NXPE2: variants seen among roughly 807,000 people sequenced by gnomAD.
The protein encoded by NXPE2 is neurexophilin and PC-esterase domain family member 2.
Under a neutral mutation model 34.4 loss-of-function variants are expected in NXPE2, and 34 were observed. The observed-to-expected ratio is 0.99, with a 90% CI of 0.75 to 1.31. The LOEUF (loss-of-function observed/expected upper bound fraction) is 1.31, where lower values mean the gene tolerates loss of function less well. Ranked by LOEUF, NXPE2 falls within the 40% of genes most tolerant of loss-of-function variation. The pLI is 0.00. For missense variants in NXPE2, 649 were observed against 672.5 expected, an observed-to-expected ratio of 0.97 and a Z score of 0.39; for synonymous variants, 235 against 231.3, an observed-to-expected ratio of 1.02 and a Z score of -0.15.
the NXPE2 span, among the ~76,000 whole-genome samples, chr11:114,515,911 C>T: frequency 6.6e-6 from 1 of 152,086 alleles, no homozygotes; most frequent in Admixed American, 6.6e-5. Flanking sequence ...TAGAGGGGAC[C>T]TAATGGAAGG....
the NXPE2 span, among the ~76,000 whole-genome samples, chr11:114,507,544 A>G: frequency 1.3e-3 from 193 of 152,304 alleles, no homozygotes; most frequent in Admixed American, 1.8e-3. Context: ...CTTATCCACC[A>G]TGATTAAGTA....
the NXPE2 span, among the ~76,000 whole-genome samples, chr11:114,791,277 G>A: frequency 6.6e-6 from 1 of 152,132 alleles, no homozygotes; most frequent in South Asian, 2.1e-4. Flanking sequence ...ATGCTTTGCT[G>A]TTGGTGGTTG....
the NXPE2 span, among the ~76,000 whole-genome samples, chr11:114,779,339 G>C: frequency 8.0e-6 from 1 of 125,272 alleles, no homozygotes; most frequent in Admixed American, 7.8e-5. Flanking sequence ...GCCTGCTGGG[G>C]CCCTGGCCTG....
At chr11:114,490,005 C>CAA in the NXPE2 span, among the ~76,000 whole-genome samples, 155 of 152,176 alleles carry the variant, frequency 1.0e-3, no homozygotes, top group African/African-American at 3.4e-3. Context: ...GCAACTTCAG[C>CAA]AGTCTCAGGA....
At chr11:114,608,392 TG>T in the NXPE2 span, among the ~76,000 whole-genome samples, 1 of 151,890 alleles carries the variant, frequency 6.6e-6, no homozygotes, top group Non-Finnish European at 1.5e-5. Context: ...TGTTGCCTCA[TG>T]GGTAACCACT....
chr11:114,742,346 A>T, the NXPE2 span, among the ~76,000 whole-genome samples: 2 of 152,116 alleles, frequency 1.3e-5, no homozygotes, highest in East Asian at 3.9e-4. Context: ...AATGGTTAGC[A>T]AGGTCTGTGG....
the NXPE2 span, among the ~76,000 whole-genome samples, chr11:114,503,466 C>G: frequency 6.6e-6 from 1 of 151,342 alleles, no homozygotes; most frequent in African/African-American, 2.4e-5. Context: ...ATGTTGTATC[C>G]AGGAAACAAC....
chr11:114,742,268 G>C, the NXPE2 span, among the ~76,000 whole-genome samples: 1 of 152,160 alleles, frequency 6.6e-6, no homozygotes, highest in African/African-American at 2.4e-5. Flanking sequence ...TGGGCTAGTT[G>C]TTGTTGTTCT....
chr11:114,781,653 A>G, the NXPE2 span, among the ~76,000 whole-genome samples: 2 of 152,266 alleles, frequency 1.3e-5, no homozygotes, highest in South Asian at 4.2e-4. Context: ...GGGTTGTAAC[A>G]GGACTTGAAG....
chr11:114,501,332 GCAAAAAGCTGTT>G, the NXPE2 span, among the ~76,000 whole-genome samples: 1 of 152,076 alleles, frequency 6.6e-6, no homozygotes, highest in Non-Finnish European at 1.5e-5. Flanking sequence ...ACCCCTTACA[GCAAAAAGCTGTT>G]ACTCTCTAAG....
chr11:114,580,244 G>A, the NXPE2 span: 1 of 1,614,016 alleles, frequency 6.2e-7, no homozygotes, highest in South Asian at 1.1e-5. Flanking sequence ...CCAAACTACA[G>A]GAGACAGGAT....
chr11:114,603,816 G>A, the NXPE2 span, among the ~76,000 whole-genome samples: 775 of 151,656 alleles, frequency 5.1e-3, 3 homozygotes, highest in African/African-American at 0.016. Context: ...CGTCTCCTAG[G>A]TAACTCCTAT....
chr11:114,617,292 T>G, the NXPE2 span, among the ~76,000 whole-genome samples: 1 of 152,142 alleles, frequency 6.6e-6, no homozygotes, highest in South Asian at 2.1e-4. Context: ...ATAACCACCA[T>G]TACCCACCAG....
At chr11:114,477,496 C>A in the NXPE2 span, among the ~76,000 whole-genome samples, 2 of 151,742 alleles carry the variant, frequency 1.3e-5, no homozygotes, top group Non-Finnish European at 2.9e-5. Context: ...GGCAGGTATA[C>A]CTTAATAAAA....
chr11:114,490,384 A>G, the NXPE2 span, among the ~76,000 whole-genome samples: 1 of 152,226 alleles, frequency 6.6e-6, no homozygotes, highest in Admixed American at 6.5e-5. Flanking sequence ...AAAAGAGCTC[A>G]CATTGTCAAG....
Position 114,679,657 on chromosome 11 carries a change from G to A in NXPE2, c.27G>A (p.Arg9=). 6.5e-7 allele frequency: 1 copy of A among 1,529,580 alleles called. No individual in the cohort carries two copies. Among genetic ancestry groups the A allele is most frequent in the Non-Finnish European group, 8.9e-7 (1 of 1,127,720 alleles). The allele number at this position is 1,529,580 out of a possible 1,614,324, so 94.8% of individuals were successfully genotyped here. A position where few individuals can be genotyped will look rare whatever the true frequency, so the allele number is the denominator to read the frequency against. The change falls in exon 2 of 6, where the codon AGG becomes AGA. Residue 9 remains arginine (R), a splice_region_variant and synonymous_variant. Transcript: ENST00000389586. MVEKILIH[R]ILTLFPNAIA... ...TTATTTCTCCTGTCCTTTCTTATAG[G>A]ATACTCACTTTGTTTCCAAATGCCA...
the NXPE2 span, among the ~76,000 whole-genome samples, chr11:114,734,660 C>T: frequency 6.6e-6 from 1 of 152,114 alleles, no homozygotes; most frequent in Admixed American, 6.5e-5. Context: ...AATTATATAT[C>T]TCCTGGATAT....
At chr11:114,492,994 T>C in the NXPE2 span, among the ~76,000 whole-genome samples, 1 of 152,226 alleles carries the variant, frequency 6.6e-6, no homozygotes, top group Non-Finnish European at 1.5e-5. Flanking sequence ...CAATGTTGAG[T>C]ACATATATAT....
intron 2 of NXPE2, among the ~76,000 whole-genome samples, chr11:114,689,230 A>G (rs1260077913): frequency 6.6e-6 from 1 of 152,096 alleles, no homozygotes; most frequent in Non-Finnish European, 1.5e-5. Context: ...TTAGCACTAT[A>G]AACTTTCCTA....
Sources: allele counts gnomAD v4.1 joint callset (sites outside exome capture counted in the v4.1 genomes callset), GRCh38; gene constraint gnomAD v4.1.1; transcripts MANE v1.5; gene names NCBI Gene and HGNC (gene_info 2026-07-23, HGNC 2026-07-21).